Variants in KHDRBS2 observed in about 807,000 individuals in gnomAD.
The protein encoded by KHDRBS2 is KH domain-containing, RNA-binding, signal transduction-associated protein 2.
Under a neutral mutation model 44.3 loss-of-function variants are expected in KHDRBS2, and 26 were observed. The ratio of observed to expected loss-of-function variants is 0.59; its 90% CI spans 0.43 to 0.81. The LOEUF is 0.81. Among genes scored for constraint, KHDRBS2 ranks in the 40% least tolerant of loss-of-function variants. The pLI, the probability that KHDRBS2 is intolerant of heterozygous loss-of-function variation, is 0.00. For missense variants in KHDRBS2, 476 were observed against 433.1 expected, an observed-to-expected ratio of 1.10 and a Z score of -0.88; for synonymous variants, 194 against 151.1, an observed-to-expected ratio of 1.28 and a Z score of -2.08.
the KHDRBS2 span, among the ~76,000 whole-genome samples, chr6:61,550,931 C>A: frequency 2.0e-5 from 3 of 151,902 alleles, no homozygotes; most frequent in Admixed American, 1.3e-4. Flanking sequence ...TGCCACCACG[C>A]CTGGCCAATT....
chr6:61,756,823 C>T (rs1419666959), intron 6 of KHDRBS2, among the ~76,000 whole-genome samples: 6 of 152,192 alleles, frequency 3.9e-5, no homozygotes, highest in Non-Finnish European at 8.8e-5. Context: ...TATTAAGCAT[C>T]CCCAAATGTT....
intron 6 of KHDRBS2, among the ~76,000 whole-genome samples, chr6:61,770,936 G>A (rs1216474360): frequency 6.6e-6 from 1 of 152,218 alleles, no homozygotes; most frequent in Non-Finnish European, 1.5e-5. Flanking sequence ...CAGCCAGAGA[G>A]AAAGGTCAGG....
chr6:61,629,387 C>T, the KHDRBS2 span, among the ~76,000 whole-genome samples: 3 of 152,148 alleles, frequency 2.0e-5, no homozygotes, highest in Admixed American at 1.3e-4. Flanking sequence ...TATATTCTTA[C>T]ACTACCATAT....
At chr6:61,915,721 C>T (rs1438496886) in intron 4 of KHDRBS2, among the ~76,000 whole-genome samples, 3 of 151,942 alleles carry the variant, frequency 2.0e-5, no homozygotes, top group African/African-American at 2.4e-5. Flanking sequence ...CAAACCCTCT[C>T]GAGGAGAAAG....
intron 2 of KHDRBS2, among the ~76,000 whole-genome samples, chr6:62,168,736 C>A (rs1442117812): frequency 6.6e-6 from 1 of 151,986 alleles, no homozygotes; most frequent in East Asian, 1.9e-4. Flanking sequence ...CATTTTACCA[C>A]TAACTCATGA....
intron 2 of KHDRBS2, among the ~76,000 whole-genome samples, chr6:62,169,158 C>CATATACACACATATAT (rs1562991719): frequency 8.8e-5 from 7 of 79,964 alleles, no homozygotes; most frequent in Admixed American, 1.2e-4. Flanking sequence ...TGTATATATA[C>CATATACACACATATAT]GTACACATAT....
At chr6:61,843,744 A>C (rs1793956630) in intron 6 of KHDRBS2, among the ~76,000 whole-genome samples, 1 of 151,992 alleles carries the variant, frequency 6.6e-6, no homozygotes, top group African/African-American at 2.4e-5. Flanking sequence ...TTTTCTTTTC[A>C]CATGCATATA....
intron 2 of KHDRBS2, among the ~76,000 whole-genome samples, chr6:62,094,000 AT>A (rs1230174346): frequency 2.0e-5 from 3 of 151,874 alleles, no homozygotes; most frequent in African/African-American, 7.2e-5. Flanking sequence ...GAGTGCAGAT[AT>A]CTTTTTGACA....
chr6:62,053,608 A>G (rs1789583636), intron 2 of KHDRBS2, among the ~76,000 whole-genome samples: 1 of 151,970 alleles, frequency 6.6e-6, no homozygotes, highest in African/African-American at 2.4e-5. Flanking sequence ...CATCTGAAAA[A>G]CAAAGGAAAC....
At chr6:61,826,501 G>GT (rs1180608315) in intron 6 of KHDRBS2, among the ~76,000 whole-genome samples, 1 of 151,970 alleles carries the variant, frequency 6.6e-6, no homozygotes, top group Non-Finnish European at 1.5e-5. Flanking sequence ...CAGAGAAGGG[G>GT]TTTTAAAGCT....
intron 3 of KHDRBS2, among the ~76,000 whole-genome samples, chr6:62,025,544 T>C (rs1367487960): frequency 1.3e-5 from 2 of 152,090 alleles, no homozygotes; most frequent in African/African-American, 4.8e-5. Flanking sequence ...TTTTAAATAA[T>C]ACAAGACCTC....
At chr6:61,689,159 G>A (rs1033269301) in intron 8 of KHDRBS2, among the ~76,000 whole-genome samples, 3 of 151,864 alleles carry the variant, frequency 2.0e-5, no homozygotes, top group Admixed American at 6.6e-5. Context: ...ACATAATGAC[G>A]TGCCAGGAGG....
intron 6 of KHDRBS2, among the ~76,000 whole-genome samples, chr6:61,821,150 C>T (rs1354607015): frequency 6.6e-6 from 1 of 151,974 alleles, no homozygotes; most frequent in Non-Finnish European, 1.5e-5. Context: ...AACTGCACCC[C>T]TCAGGAACCT....
the KHDRBS2 span, among the ~76,000 whole-genome samples, chr6:61,586,311 C>G: frequency 6.6e-6 from 1 of 152,120 alleles, no homozygotes; most frequent in Non-Finnish European, 1.5e-5. Context: ...AGAACATTGC[C>G]CCTTTAGTGG....
At chr6:62,105,279 C>T (rs1802918391) in intron 2 of KHDRBS2, among the ~76,000 whole-genome samples, 1 of 152,146 alleles carries the variant, frequency 6.6e-6, no homozygotes, top group Non-Finnish European at 1.5e-5. Flanking sequence ...TTCAAACAGG[C>T]TGGCATTACT....
intron 1 of KHDRBS2, among the ~76,000 whole-genome samples, chr6:62,204,756 G>A (rs1368539470): frequency 6.6e-6 from 1 of 152,078 alleles, no homozygotes; most frequent in East Asian, 1.9e-4. Flanking sequence ...GTTGGTACCA[G>A]AACTCCAGTG....
chr6:62,047,938 C>T lies in KHDRBS2; in HGVS notation c.276G>A (p.Gln92=). 2 of 1,612,380 alleles carry T rather than the reference C, an allele frequency of 1.2e-6. No individual in the cohort carries two copies. The highest frequency in any genetic ancestry group is 1.7e-5 in the Admixed American group (1 of 59,830). ...GPRGNSLKRL[Q]EETGAKMSIL... is the part of the protein sequence containing the mutation. ...TAGACATTTTAGCACCTGTTTCTTC[C>T]TGTAGCCTCTTCAAGGAGTTTCCTC... Residue 92 remains glutamine (Q), a synonymous_variant, in exon 3 of 9, where the codon CAG becomes CAA. Transcript: ENST00000281156.
At chr6:62,063,401 T>A (rs2127330872) in intron 2 of KHDRBS2, among the ~76,000 whole-genome samples, 1 of 151,464 alleles carries the variant, frequency 6.6e-6, no homozygotes, top group African/African-American at 2.4e-5. Context: ...GCAAACCGAA[T>A]CCAGCAGGAC....
At chr6:61,945,113 G>GTATATATATATA (rs61105265) in intron 4 of KHDRBS2, among the ~76,000 whole-genome samples, 208 of 14,952 alleles carry the variant, frequency 0.014, 10 homozygotes, top group Non-Finnish European at 0.019. Context: ...AAAAAAAAAA[G>GTATATATATATA]TATATATATA....
Sources: allele counts gnomAD v4.1 joint callset (sites outside exome capture counted in the v4.1 genomes callset), GRCh38; gene constraint gnomAD v4.1.1; transcripts MANE v1.5; gene names NCBI Gene and HGNC (gene_info 2026-07-23, HGNC 2026-07-21).